ADCY10: variants seen among roughly 807,000 people sequenced by gnomAD.
ADCY10 encodes adenylate cyclase type 10.
In ADCY10, 156 loss-of-function variants were observed where a neutral mutation model predicts 183.3. The ratio of observed to expected loss-of-function variants is 0.85; its 90% CI spans 0.75 to 0.97. ADCY10 has a LOEUF of 0.97. ADCY10 is among the 50% of genes least tolerant of loss of function. The pLI, the probability that ADCY10 is intolerant of heterozygous loss-of-function variation, is 0.00. For synonymous variants in ADCY10, 645 were observed against 670.0 expected, an observed-to-expected ratio of 0.96 and a Z score of 0.58; for missense variants, 1,745 against 1,934.3, an observed-to-expected ratio of 0.90 and a Z score of 1.84.
At chr1:167,900,504 A>AT (rs1000682577) in intron 5 of ADCY10, among the ~76,000 whole-genome samples, 1 of 150,584 alleles carries the variant, frequency 6.6e-6, no homozygotes, top group African/African-American at 2.4e-5. Context: ...AATAACTTTG[A>AT]TTTTTTTTTC....
At position 167,842,315 on chromosome 1, in the gene ADCY10, T is replaced by C. The variant is rs896433541; in HGVS notation, c.3007+3248A>G. Among the ~76,000 whole-genome samples the C allele has an allele frequency of 2.0e-4, 30 of 152,260 alleles. 1 individual carries two copies. The highest frequency in any genetic ancestry group is 1.9e-3 in the Admixed American group (29 of 15,300). On this transcript the variant is annotated intron_variant, in intron 21 of 32. Transcript: ENST00000367851. ...CCATCATACCTGGCTAATTTTCTTA[T>C]TTTTAGTTTTTTGTAGAGACAGAGT...
intron 31 of ADCY10, among the ~76,000 whole-genome samples, chr1:167,816,893 G>A: frequency 6.6e-6 from 1 of 152,162 alleles, no homozygotes; most frequent in East Asian, 1.9e-4. Flanking sequence ...AGGAGTAAGT[G>A]GAGGTAAAAT....
intron 14 of ADCY10, among the ~76,000 whole-genome samples, chr1:167,864,674 G>A (rs1571339856): frequency 6.6e-6 from 1 of 152,090 alleles, no homozygotes; most frequent in East Asian, 1.9e-4. Context: ...AAAAAATAGT[G>A]TACCCTATTC....
rs760489622 is a variant in ADCY10 at position 167,824,800 on chromosome 1, C to G, written c.3806G>C (p.Gly1269Ala). ...CATGACTTCATATTTGAACCACACA[C>G]CTTTGTAGCCAGCCAGGTGGTGGTA... ...SLYHHLAGYK[G>A]VWFKYEVMAM... The change falls in exon 27 of 33, where the codon GGT (glycine) becomes GCT (alanine). Residue 1269 changes from glycine to alanine, a missense_variant. Transcript: ENST00000367851. 7 of 1,614,218 alleles carry G rather than the reference C, an allele frequency of 4.3e-6. No individual in the cohort carries two copies. Among genetic ancestry groups the G allele is most frequent in the Non-Finnish European group, 5.9e-6 (7 of 1,180,048 alleles).
At chr1:167,837,982 A>G (rs1414022493) in intron 21 of ADCY10, among the ~76,000 whole-genome samples, 1 of 152,222 alleles carries the variant, frequency 6.6e-6, no homozygotes, top group Non-Finnish European at 1.5e-5. Context: ...TAGTCCAGCC[A>G]TTTCTCCCTT....
intron 21 of ADCY10, among the ~76,000 whole-genome samples, chr1:167,843,688 C>G (rs1229282148): frequency 6.6e-6 from 1 of 152,054 alleles, no homozygotes; most frequent in Admixed American, 6.6e-5. Flanking sequence ...CATGAGAAAC[C>G]CTCACACATC....
chr1:167,810,916 A>G lies in ADCY10; in HGVS notation c.4483-3T>C, dbSNP rs1488816155. 1.2e-6 allele frequency: 2 copies of G among 1,614,104 alleles called. No individual in the cohort carries two copies. The highest frequency in any genetic ancestry group is 1.3e-5 in the African/African-American group (1 of 75,028). On this transcript the variant is annotated splice_region_variant and splice_polypyrimidine_tract_variant and intron_variant, in intron 31 of 32. Transcript: ENST00000367851. ...TGAGCCACCAGATTCTCCAAGTTCT[A>G]AAGAAAAAAAACCCACAACAGTATA...
intron 1 of ADCY10, among the ~76,000 whole-genome samples, chr1:167,907,674 G>A (rs1191263946): frequency 6.6e-6 from 1 of 152,218 alleles, no homozygotes; most frequent in Non-Finnish European, 1.5e-5. Context: ...TTAGCAAGAG[G>A]TGATTAAAAG....
intron 16 of ADCY10, among the ~76,000 whole-genome samples, chr1:167,856,708 G>A (rs1009554777): frequency 8.5e-5 from 13 of 152,264 alleles, no homozygotes; most frequent in Admixed American, 3.9e-4. Context: ...GAGAATAGAT[G>A]GAGTTTTAGG....
intron 21 of ADCY10, among the ~76,000 whole-genome samples, chr1:167,845,181 G>C (rs970953287): frequency 6.6e-6 from 1 of 152,114 alleles, no homozygotes; most frequent in Non-Finnish European, 1.5e-5. Context: ...TTTCAAACTA[G>C]ACCAACAAAG....
chr1:167,819,541 C>T (rs111524350), intron 30 of ADCY10, among the ~76,000 whole-genome samples: 3,456 of 150,800 alleles, frequency 0.023, 119 homozygotes, highest in African/African-American at 0.079. Flanking sequence ...TCCTGGCCTG[C>T]TTATGATTTT....
chr1:167,910,631 T>C (rs528135268), intron 1 of ADCY10, among the ~76,000 whole-genome samples: 7 of 152,310 alleles, frequency 4.6e-5, no homozygotes, highest in Admixed American at 4.6e-4. Context: ...GGAAAGTTGG[T>C]GTGTTTTTCT....
intron 14 of ADCY10, among the ~76,000 whole-genome samples, chr1:167,864,550 A>T (rs555857237): frequency 6.6e-6 from 1 of 152,286 alleles, no homozygotes; most frequent in East Asian, 1.9e-4. Context: ...AGAGAGGCAG[A>T]AAGAGAGGAA....
Position 167,914,007 on chromosome 1 carries a change from G to C in ADCY10, c.-90C>G, listed in dbSNP as rs1670311357. ...TTCATCCAGGGCTGAGGAAAAGCCA[G>C]ACCTCAGTTAGGGACTAGGTCTTTT... On this transcript the variant is annotated 5_prime_UTR_variant, in exon 1 of 33. Coordinates refer to ENST00000367851, the MANE Select transcript of ADCY10 (RefSeq NM_018417.6). 1 of 152,276 alleles carries C rather than the reference G, an allele frequency of 6.6e-6. No individual in the cohort carries two copies. Among genetic ancestry groups the C allele is most frequent in the South Asian group, 2.1e-4 (1 of 4,828 alleles). The allele number at this position is 152,276 out of a possible 1,614,324, so 9.4% of individuals were successfully genotyped here.
intron 26 of ADCY10, 24 bp from the exon 27 acceptor site, chr1:167,824,879 A>C (rs1362060846): frequency 6.2e-7 from 1 of 1,607,118 alleles, no homozygotes; most frequent in African/African-American, 1.3e-5. Context: ...GTGGAGGAAG[A>C]GTGAGGCAGA....
chr1:167,840,471 C>A lies in ADCY10; in HGVS notation c.3008-3153G>T, dbSNP rs1316611807. The stretch of plus-strand genomic sequence containing the variant: ...TCCTGGATTCAAGCGATTCTCCTGC[C>A]TCAGCCTCCCAAGTAGCTGGGACTA... On this transcript the variant is annotated intron_variant, in intron 21 of 32. Transcript: ENST00000367851. Among the ~76,000 whole-genome samples, 3 of 151,762 alleles carry A rather than the reference C, an allele frequency of 2.0e-5. No homozygotes were observed. The East Asian group carries it at 5.8e-4, about 29-fold the overall frequency.
intron 30 of ADCY10, chr1:167,820,416 C>T (rs969503090): frequency 3.8e-6 from 2 of 520,786 alleles, no homozygotes; most frequent in African/African-American, 4.1e-5. Flanking sequence ...GCCGACTGCC[C>T]TCCAGGTGAT....
At chr1:167,871,968 TATGTAACAAACCTGC>T (rs1466501415) in intron 13 of ADCY10, among the ~76,000 whole-genome samples, 2 of 152,216 alleles carry the variant, frequency 1.3e-5, no homozygotes, top group Non-Finnish European at 2.9e-5. Flanking sequence ...CATGTATACA[TATGTAACAAACCTGC>T]ACGTTGTGCA....
At chr1:167,849,448 T>C (rs1018683963) in intron 18 of ADCY10, among the ~76,000 whole-genome samples, 1 of 152,212 alleles carries the variant, frequency 6.6e-6, no homozygotes, top group Non-Finnish European at 1.5e-5. Context: ...CCTTATTTCC[T>C]GGAGCTCTAA....
Sources: allele counts gnomAD v4.1 joint callset (sites outside exome capture counted in the v4.1 genomes callset), GRCh38; gene constraint gnomAD v4.1.1; transcripts MANE v1.5; gene names NCBI Gene and HGNC (gene_info 2026-07-23, HGNC 2026-07-21).